Variants in PHIP observed in about 807,000 individuals in gnomAD.
PHIP encodes PH-interacting protein.
A neutral mutation model predicts 236.8 loss-of-function variants in PHIP; 54 were observed. That is an observed-to-expected ratio of 0.23 (90% CI 0.18 to 0.29). The LOEUF is 0.29. Among genes scored for constraint, PHIP ranks in the 10% least tolerant of loss-of-function variants. The probability of loss-of-function intolerance (pLI) is 1.00; values close to 1 mark genes in which losing one functional copy is unlikely to be tolerated. For synonymous variants in PHIP, 756 were observed against 718.9 expected (o/e 1.05, Z -0.83); for missense variants, 1,370 against 2,190.8 (o/e 0.63, Z 7.48).
Position 78,970,827 on chromosome 6 carries a change from T to C in PHIP, c.2951A>G (p.Tyr984Cys). The C allele has an allele frequency of 6.2e-7, 1 of 1,612,210 alleles. No homozygotes were observed. Among genetic ancestry groups the C allele is most frequent in the Non-Finnish European group, 8.5e-7 (1 of 1,179,166 alleles). ...YVEMARKNKI[Y>C]SINPKKQPWH... ...TGGTTGTTTTTTGGGATTGATACTA[T>C]ATATTTTATTTTTCCGGGCCATTTC... Residue 984 changes from tyrosine (Y) to cysteine (C), a missense_variant, in exon 25 of 40, where the codon TAT (tyrosine) becomes TGT (cysteine). Around this residue, in one of 14 missense-constraint regions of PHIP, gnomAD observed 238 missense variants for 398.5 expected, o/e 0.60. Coordinates refer to ENST00000275034, the MANE Select transcript of PHIP (RefSeq NM_017934.7).
At chr6:79,063,764 T>C (rs930785517) in intron 4 of PHIP, among the ~76,000 whole-genome samples, 2 of 152,150 alleles carry the variant, frequency 1.3e-5, no homozygotes, top group Non-Finnish European at 2.9e-5. Flanking sequence ...AGAACATGTC[T>C]TCAAACAAAT....
intron 6 of PHIP, among the ~76,000 whole-genome samples, chr6:79,044,765 A>G (rs1772391292): frequency 6.6e-6 from 1 of 152,192 alleles, no homozygotes. Flanking sequence ...TCGATGATTA[A>G]GCATTAGTAT....
chr6:79,051,020 T>C (rs1439333210), intron 6 of PHIP, among the ~76,000 whole-genome samples: 1 of 152,170 alleles, frequency 6.6e-6, no homozygotes, highest in African/African-American at 2.4e-5. Flanking sequence ...TCAAAGATAG[T>C]TCAGGTTCAA....
chr6:78,975,678 T>A (rs1477968404), intron 24 of PHIP, among the ~76,000 whole-genome samples: 1 of 152,270 alleles, frequency 6.6e-6, no homozygotes, highest in African/African-American at 2.4e-5. Context: ...CAGCAAAGTC[T>A]CAGGATACAA....
chr6:79,028,493 G>A (rs1451683941), intron 7 of PHIP, among the ~76,000 whole-genome samples: 1 of 152,190 alleles, frequency 6.6e-6, no homozygotes, highest in African/African-American at 2.4e-5. Flanking sequence ...TTATCTGTTG[G>A]AAGTGAAGGA....
intron 19 of PHIP, among the ~76,000 whole-genome samples, chr6:78,992,074 T>A (rs1769291566): frequency 1.3e-5 from 2 of 151,452 alleles, no homozygotes; most frequent in Non-Finnish European, 2.9e-5. Flanking sequence ...ACCATTCTCC[T>A]GCCTCAGCCT....
chr6:78,947,809 T>C (rs1327196417), intron 35 of PHIP, 34 bp from the exon 36 acceptor site: 1 of 1,492,964 alleles, frequency 6.7e-7, no homozygotes, highest in Non-Finnish European at 9.3e-7. Context: ...GTTATGATTA[T>C]TACTACACAA....
At chr6:79,072,744 T>C (rs1045418054) in intron 4 of PHIP, among the ~76,000 whole-genome samples, 5 of 152,168 alleles carry the variant, frequency 3.3e-5, no homozygotes, top group Non-Finnish European at 7.4e-5. Context: ...ATTACAGGCA[T>C]GAGCCACCAC....
intron 15 of PHIP, among the ~76,000 whole-genome samples, chr6:79,010,294 A>G (rs1770512010): frequency 6.6e-6 from 1 of 151,948 alleles, no homozygotes; most frequent in African/African-American, 2.4e-5. Context: ...CAGAAGAAGT[A>G]TGCATGTACA....
At chr6:79,070,232 T>C (rs1451676300) in intron 4 of PHIP, among the ~76,000 whole-genome samples, 3 of 152,222 alleles carry the variant, frequency 2.0e-5, no homozygotes, top group Admixed American at 6.5e-5. Context: ...AAATTCTCTT[T>C]AAAGCATTAT....
intron 23 of PHIP, among the ~76,000 whole-genome samples, chr6:78,979,073 A>C (rs1359411508): frequency 1.3e-5 from 2 of 151,984 alleles, no homozygotes; most frequent in Admixed American, 1.3e-4. Flanking sequence ...GGTCACATGC[A>C]AATACTATAT....
chr6:78,982,956 T>G lies in PHIP; in HGVS notation c.2699A>C (p.Lys900Thr). 6.2e-7 allele frequency: 1 copy of G among 1,604,612 alleles called. No individual in the cohort carries two copies. Among genetic ancestry groups the G allele is most frequent in the East Asian group, 2.2e-5 (1 of 44,720 alleles). The change falls in exon 23 of 40, where the codon AAA becomes ACA. Residue 900 changes from lysine (K) to threonine (T), a missense_variant. Transcript: ENST00000275034. Reference sequence around the variant, plus strand: ...TCCATCTTTTTCTTCATTTACTTTTTTCTTTTCCTTTTTAATCTGTTTTTG... The same window carrying G: ...TCCATCTTTTTCTTCATTTACTTTTGTCTTTTCCTTTTTAATCTGTTTTTG... ...QKQKQIKKEK[K>T]KVNEEKDGPI...
intron 4 of PHIP, among the ~76,000 whole-genome samples, chr6:79,074,003 T>C (rs1774022193): frequency 6.6e-6 from 1 of 152,118 alleles, no homozygotes; most frequent in African/African-American, 2.4e-5. Context: ...TCAATCCACT[T>C]ATTTTTCAAA....
intron 32 of PHIP, chr6:78,957,455 C>T (rs927552289): frequency 1.3e-5 from 2 of 151,728 alleles, no homozygotes; most frequent in Non-Finnish European, 2.9e-5. Flanking sequence ...ACAAACTTTA[C>T]CTTATTAATT....
In PHIP at chr6:79,078,197, C is replaced by G; in HGVS notation, c.-129G>C. 1.1e-6 allele frequency: 1 copy of G among 880,270 alleles called. No homozygotes were observed. The highest frequency in any genetic ancestry group is 1.8e-6 in the Non-Finnish European group (1 of 568,204). The allele number at this position is 880,270 out of a possible 1,614,324, so 54.5% of individuals were successfully genotyped here. A position where few individuals can be genotyped will look rare whatever the true frequency, so the allele number is the denominator to read the frequency against. Reference sequence around the variant, plus strand: ...CCGAGCTTCGGCTCCACCATTCAAGCAACGGCGGCGGAGGCGGAGGAGGAG... The same window carrying G: ...CCGAGCTTCGGCTCCACCATTCAAGGAACGGCGGCGGAGGCGGAGGAGGAG... On this transcript the variant is annotated 5_prime_UTR_variant, in exon 1 of 40. Transcript: ENST00000275034.
chr6:79,065,928 C>T (rs1442744856), intron 4 of PHIP, among the ~76,000 whole-genome samples: 4 of 151,916 alleles, frequency 2.6e-5, no homozygotes, highest in African/African-American at 9.7e-5. Flanking sequence ...TACAGATATA[C>T]ATATGTGATT....
At chr6:78,955,749 T>A (rs547122157) in intron 32 of PHIP, 67 bp from the exon 33 acceptor site, 53 of 607,090 alleles carry the variant, frequency 8.7e-5, no homozygotes, top group African/African-American at 8.3e-4. Flanking sequence ...TAAAAATTTG[T>A]TCGTAAAACC....
intron 4 of PHIP, among the ~76,000 whole-genome samples, chr6:79,066,049 T>C (rs1005583530): frequency 6.6e-6 from 1 of 152,038 alleles, no homozygotes; most frequent in Admixed American, 6.6e-5. Flanking sequence ...TTTAAAATAA[T>C]ATAATAATAA....
intron 6 of PHIP, among the ~76,000 whole-genome samples, chr6:79,051,393 G>C (rs1166388134): frequency 4.6e-5 from 7 of 152,186 alleles, no homozygotes; most frequent in Admixed American, 3.9e-4. Context: ...AAAAAAGGAG[G>C]GCAGGTATTG....
Sources: allele counts gnomAD v4.1 joint callset (sites outside exome capture counted in the v4.1 genomes callset), GRCh38; gene constraint gnomAD v4.1.1; regional missense constraint gnomAD v4.1.1; transcripts MANE v1.5; gene names NCBI Gene and HGNC (gene_info 2026-07-23, HGNC 2026-07-21).